The following HECW2 variants were observed in gnomAD, a reference collection of about 807,000 sequenced individuals.
HECW2 encodes the protein HECT, C2 and WW domain containing E3 ubiquitin protein ligase 2, also known as E3 ubiquitin-protein ligase HECW2.
In HECW2, 61 loss-of-function variants were observed where a neutral mutation model predicts 175.2. That is an observed-to-expected ratio of 0.35 (90% CI 0.28 to 0.43). The LOEUF is 0.43. Among genes scored for constraint, HECW2 ranks in the 20% least tolerant of loss-of-function variants. The probability of loss-of-function intolerance (pLI) is 1.00; values close to 1 mark genes in which losing one functional copy is unlikely to be tolerated. For synonymous variants in HECW2, 671 were observed against 731.0 expected, an observed-to-expected ratio of 0.92 and a Z score of 1.32; for missense variants, 1,524 against 2,000.5, an observed-to-expected ratio of 0.76 and a Z score of 4.54.
intron 3 of HECW2, among the ~76,000 whole-genome samples, chr2:196,337,130 T>C (rs543362883): frequency 4.3e-4 from 65 of 152,250 alleles, no homozygotes; most frequent in African/African-American, 1.5e-3. Flanking sequence ...TTTAAAATGG[T>C]GTAACTAAGC....
chr2:196,423,404 G>C (rs1055244554), intron 2 of HECW2, among the ~76,000 whole-genome samples: 1 of 152,060 alleles, frequency 6.6e-6, no homozygotes, highest in Non-Finnish European at 1.5e-5. Flanking sequence ...TAGCGCCTGT[G>C]ATCTCAACAA....
chr2:196,556,422 T>C (rs2125492635), intron 1 of HECW2, among the ~76,000 whole-genome samples: 1 of 152,314 alleles, frequency 6.6e-6, no homozygotes, highest in South Asian at 2.1e-4. Flanking sequence ...ACTAGAAGTG[T>C]GTACCCTTTG....
At chr2:196,574,950 G>A (rs563273177) in intron 1 of HECW2, among the ~76,000 whole-genome samples, 1 of 151,930 alleles carries the variant, frequency 6.6e-6, no homozygotes, top group South Asian at 2.1e-4. Context: ...TAAATACATG[G>A]TGTTGGGAAA....
At chr2:196,277,441 A>G (rs1689999623) in intron 15 of HECW2, among the ~76,000 whole-genome samples, 1 of 152,234 alleles carries the variant, frequency 6.6e-6, no homozygotes, top group African/African-American at 2.4e-5. Context: ...ATCTCATACC[A>G]GTTAGAATGG....
intron 1 of HECW2, among the ~76,000 whole-genome samples, chr2:196,498,699 C>T (rs78889059): frequency 1.3e-5 from 2 of 152,146 alleles, no homozygotes; most frequent in African/African-American, 4.8e-5. Context: ...CGGTAGAGGC[C>T]TGAACTCTGC....
At chr2:196,232,316 T>C (rs150886930) in intron 21 of HECW2, among the ~76,000 whole-genome samples, 14 of 152,356 alleles carry the variant, frequency 9.2e-5, no homozygotes, top group East Asian at 3.9e-4. Flanking sequence ...ACTGCACTTA[T>C]AGAGTGCATT....
intron 2 of HECW2, among the ~76,000 whole-genome samples, chr2:196,356,197 A>T (rs1420684660): frequency 6.6e-6 from 1 of 152,172 alleles, no homozygotes; most frequent in Non-Finnish European, 1.5e-5. Flanking sequence ...TTTTACTTTG[A>T]TTCACTCATT....
intron 1 of HECW2, among the ~76,000 whole-genome samples, chr2:196,507,939 T>A (rs78553610): frequency 6.6e-6 from 1 of 152,230 alleles, no homozygotes; most frequent in Non-Finnish European, 1.5e-5. Context: ...TCCTGTGACA[T>A]TAACACTCCT....
chr2:196,448,360 A>T (rs919387715), intron 1 of HECW2, among the ~76,000 whole-genome samples: 1 of 152,190 alleles, frequency 6.6e-6, no homozygotes, highest in African/African-American at 2.4e-5. Flanking sequence ...ACTTCCAGAC[A>T]GGCACCAAGC....
chr2:196,319,807 A>T lies in HECW2; in HGVS notation c.1083T>A (p.His361Gln). The change falls in exon 9 of 29, where the codon CAT becomes CAA. Residue 361 changes from histidine (H) to glutamine (Q), a missense_variant. By Grantham distance (24) the His-to-Gln change is conservative. Coordinates refer to ENST00000644978, the MANE Select transcript of HECW2 (RefSeq NM_001348768.2). ...CATTAGAGCACACCTGGCTGTCGTGATGGCTCCCTGGCATGTCCTCGTCAT... is the reference window on the plus strand; with the variant it reads ...CATTAGAGCACACCTGGCTGTCGTGTTGGCTCCCTGGCATGTCCTCGTCAT... ...PSDDEDMPGS[H>Q]HDSQVCSNGP... The T allele has an allele frequency of 6.2e-7, 1 of 1,614,190 alleles. No individual in the cohort carries two copies. Among genetic ancestry groups the T allele is most frequent in the Non-Finnish European group, 8.5e-7 (1 of 1,180,034 alleles).
At chr2:196,437,589 G>A (rs991557249) in intron 1 of HECW2, among the ~76,000 whole-genome samples, 8 of 83,040 alleles carry the variant, frequency 9.6e-5, no homozygotes, top group Admixed American at 3.8e-4. Flanking sequence ...TCCAGCCTGG[G>A]CAACAGAGTG....
At chr2:196,204,145 T>C (rs1450732495) in intron 28 of HECW2, among the ~76,000 whole-genome samples, 2 of 152,230 alleles carry the variant, frequency 1.3e-5, no homozygotes, top group South Asian at 2.1e-4. Flanking sequence ...TTGGCTATTG[T>C]AAATAATGCT....
At chr2:196,364,840 C>T (rs187661876) in intron 2 of HECW2, among the ~76,000 whole-genome samples, 5 of 152,078 alleles carry the variant, frequency 3.3e-5, no homozygotes, top group African/African-American at 9.6e-5. Context: ...ATCAACATGA[C>T]GTGGTCAGGA....
chr2:196,562,020 T>TA (rs1278280692), intron 1 of HECW2, among the ~76,000 whole-genome samples: 1 of 152,152 alleles, frequency 6.6e-6, no homozygotes, highest in Non-Finnish European at 1.5e-5. Flanking sequence ...GAATGGTGGG[T>TA]ATGACAACGC....
intron 13 of HECW2, among the ~76,000 whole-genome samples, chr2:196,301,226 C>T (rs1691039553): frequency 6.6e-6 from 1 of 152,118 alleles, no homozygotes; most frequent in Non-Finnish European, 1.5e-5. Context: ...TTTATGACTG[C>T]ACAGTATTCC....
intron 1 of HECW2, among the ~76,000 whole-genome samples, chr2:196,554,978 C>G (rs1316455242): frequency 6.6e-6 from 1 of 152,184 alleles, no homozygotes; most frequent in Non-Finnish European, 1.5e-5. Context: ...TGGGTCCAGA[C>G]TGTGCACAAC....
chr2:196,231,259 C>T (rs948069658), intron 21 of HECW2, among the ~76,000 whole-genome samples: 3 of 152,052 alleles, frequency 2.0e-5, no homozygotes, highest in South Asian at 2.1e-4. Flanking sequence ...TTTATAGAGA[C>T]GACTAAGGCC....
intron 21 of HECW2, among the ~76,000 whole-genome samples, chr2:196,236,971 T>C (rs2105868623): frequency 1.3e-5 from 2 of 152,366 alleles, no homozygotes; most frequent in East Asian, 1.9e-4. Context: ...TAGAGAGTTA[T>C]GCTGATTGTA....
chr2:196,487,664 C>CA (rs1559139297), intron 1 of HECW2, among the ~76,000 whole-genome samples: 1 of 152,204 alleles, frequency 6.6e-6, no homozygotes, highest in Admixed American at 6.5e-5. Context: ...CTCTGACACA[C>CA]ACGGTCTTCT....
Sources: gnomAD v4.1 joint callset for allele counts (sites outside exome capture counted in the v4.1 genomes callset) on GRCh38, gnomAD v4.1.1 for gene constraint, MANE v1.5 for transcripts, NCBI Gene and HGNC (gene_info 2026-07-23, HGNC 2026-07-21) for gene names.